SRBD1: variants seen among roughly 807,000 people sequenced by gnomAD.
SRBD1 encodes S1 RNA-binding domain-containing protein 1.
In SRBD1, 88 loss-of-function variants were observed where a neutral mutation model predicts 115.3. That is an observed-to-expected ratio of 0.76 (90% CI 0.64 to 0.91). The LOEUF (loss-of-function observed/expected upper bound fraction) is 0.91. Ranked by LOEUF, SRBD1 falls within the 40% of genes least tolerant of loss-of-function variation. The pLI is 0.00. For synonymous variants in SRBD1, 509 were observed against 407.7 expected (o/e 1.25, Z -2.99); for missense variants, 1,385 against 1,177.4 (o/e 1.18, Z -2.58).
intron 16 of SRBD1, among the ~76,000 whole-genome samples, chr2:45,435,951 C>T (rs1572638604): frequency 6.6e-6 from 1 of 152,022 alleles, no homozygotes; most frequent in African/African-American, 2.4e-5. Context: ...CAGACAAAGA[C>T]ATTACAAGAA....
intron 14 of SRBD1, among the ~76,000 whole-genome samples, chr2:45,510,975 C>A (rs2103924228): frequency 6.6e-6 from 1 of 152,226 alleles, no homozygotes; most frequent in South Asian, 2.1e-4. Flanking sequence ...TGAATGACTG[C>A]CTAGGATTAT....
chr2:45,439,645 A>G (rs1454146865), intron 16 of SRBD1, among the ~76,000 whole-genome samples: 1 of 152,068 alleles, frequency 6.6e-6, no homozygotes, highest in African/African-American at 2.4e-5. Flanking sequence ...GGACAAACAA[A>G]GCAAACAGCA....
At chr2:45,412,266 A>C (rs533876208) in intron 19 of SRBD1, among the ~76,000 whole-genome samples, 2 of 152,206 alleles carry the variant, frequency 1.3e-5, no homozygotes, top group Admixed American at 6.5e-5. Flanking sequence ...CTGTATGGCT[A>C]AATTTTTTCA....
intron 4 of SRBD1, among the ~76,000 whole-genome samples, chr2:45,592,310 G>A (rs1016648150): frequency 2.0e-5 from 3 of 152,056 alleles, no homozygotes; most frequent in Admixed American, 2.0e-4. Flanking sequence ...CCTCAGATGG[G>A]CTATGTACAA....
intron 16 of SRBD1, among the ~76,000 whole-genome samples, chr2:45,438,561 G>A (rs1668568884): frequency 1.3e-5 from 2 of 152,216 alleles, no homozygotes; most frequent in South Asian, 4.1e-4. Context: ...AAAGAATAAA[G>A]AAATACAGCA....
At chr2:45,512,529 C>T (rs752325175) in intron 14 of SRBD1, among the ~76,000 whole-genome samples, 16 of 152,152 alleles carry the variant, frequency 1.1e-4, no homozygotes, top group Non-Finnish European at 1.9e-4. Flanking sequence ...TAAATTCAGG[C>T]ATTTACACCA....
Position 45,419,793 on chromosome 2 carries a change from C to CA in SRBD1, c.2150dup (p.Leu717PhefsTer18). ...CAGCCACATATTTGTCTCACCTTAA[C>CA]AAAACTTCTGAACAGATGTTAATAT... On this transcript the variant is annotated frameshift_variant, in exon 17 of 21. Transcript: ENST00000263736. LOFTEE classifies it high-confidence loss of function. The CA allele has an allele frequency of 1.2e-6, 2 of 1,613,576 alleles. No individual in the cohort carries two copies. The highest frequency in any genetic ancestry group is 1.7e-6 in the Non-Finnish European group (2 of 1,179,698).
chr2:45,587,265 A>T (rs1428222734), intron 4 of SRBD1, among the ~76,000 whole-genome samples: 1 of 147,182 alleles, frequency 6.8e-6, no homozygotes, highest in Non-Finnish European at 1.5e-5. Context: ...ATTAAAATTG[A>T]TGTTAATTAT....
At chr2:45,472,286 T>C (rs563640935) in intron 16 of SRBD1, among the ~76,000 whole-genome samples, 38 of 152,080 alleles carry the variant, frequency 2.5e-4, no homozygotes, top group South Asian at 1.0e-3. Flanking sequence ...TAGAGGAAAA[T>C]AGATTAGTGT....
chr2:45,543,925 G>A (rs1672026444), intron 14 of SRBD1, among the ~76,000 whole-genome samples: 2 of 152,132 alleles, frequency 1.3e-5, no homozygotes, highest in African/African-American at 2.4e-5. Context: ...GACTATAGGA[G>A]AAAGACTACC....
At chr2:45,582,630 T>C (rs947625696) in intron 5 of SRBD1, among the ~76,000 whole-genome samples, 8 of 152,202 alleles carry the variant, frequency 5.3e-5, no homozygotes, top group African/African-American at 7.2e-5. Context: ...CTATCATTTA[T>C]CTTAATGTTC....
intron 12 of SRBD1, among the ~76,000 whole-genome samples, chr2:45,550,334 G>C (rs1672257036): frequency 6.6e-6 from 1 of 151,920 alleles, no homozygotes; most frequent in Non-Finnish European, 1.5e-5. Flanking sequence ...GAAAAGACAA[G>C]AAAACCCATA....
At chr2:45,417,228 T>C (rs1482838927) in intron 18 of SRBD1, among the ~76,000 whole-genome samples, 1 of 152,244 alleles carries the variant, frequency 6.6e-6, no homozygotes, top group Non-Finnish European at 1.5e-5. Context: ...TTACTTTTTT[T>C]GACATTTAAG....
Position 45,576,862 on chromosome 2 carries a change from T to C in SRBD1, c.1073-2139A>G, listed in dbSNP as rs377371067. ...ACAGAAGAAATTATAGACTTTGCAA[T>C]AAGAAAGGGCCTTTGAAAATCCCCC... is the stretch of plus-strand genomic sequence containing the variant. On this transcript the variant is annotated intron_variant, in intron 7 of 20. Transcript: ENST00000263736. 3.2e-3 allele frequency among the ~76,000 whole-genome samples: 481 copies of C among 152,254 alleles called. 1 individual carries two copies. Among genetic ancestry groups the C allele is most frequent in the Non-Finnish European group, 4.8e-3 (328 of 67,998 alleles).
Position 45,405,399 on chromosome 2 carries a change from AG to A in SRBD1, c.2513+7714del, listed in dbSNP as rs544956857. On this transcript the variant is annotated intron_variant, in intron 19 of 20. Transcript: ENST00000263736. The stretch of plus-strand genomic sequence containing the variant: ...GATGGAGTTGTAAAAGGAGGGACAA[AG>A]GGGGGTGGTACAAGTTTCAATTTTA... Among the ~76,000 whole-genome samples the A allele has an allele frequency of 2.2e-3, 341 of 152,258 alleles. 2 individuals carry two copies. Among genetic ancestry groups the A allele is most frequent in the African/African-American group, 7.9e-3 (328 of 41,544 alleles).
chr2:45,393,664 G>A (rs1667068830), intron 19 of SRBD1, among the ~76,000 whole-genome samples: 2 of 152,222 alleles, frequency 1.3e-5, no homozygotes, highest in South Asian at 4.1e-4. Context: ...ACAGGCGTAA[G>A]CCACTGCGTC....
chr2:45,415,534 G>A lies in SRBD1; in HGVS notation c.2334-2241C>T, dbSNP rs189906799. Among the ~76,000 whole-genome samples the A allele has an allele frequency of 2.6e-3, 383 of 144,540 alleles. 4 individuals are homozygous for A. Among genetic ancestry groups the A allele is most frequent in the African/African-American group, 8.7e-3 (345 of 39,774 alleles). 94.8% of individuals were successfully genotyped at this position (144,540 alleles called of 152,430 possible). On this transcript the variant is annotated intron_variant, in intron 18 of 20. Coordinates refer to ENST00000263736, the MANE Select transcript of SRBD1 (RefSeq NM_018079.5). Reference sequence around the variant, plus strand: ...TGTATGTGTATATGTATATACACACGTATATACACATGCATATAGTCTGTA... The same window carrying A: ...TGTATGTGTATATGTATATACACACATATATACACATGCATATAGTCTGTA...
At chr2:45,584,476 G>A (rs538996905) in intron 5 of SRBD1, among the ~76,000 whole-genome samples, 30 of 152,282 alleles carry the variant, frequency 2.0e-4, no homozygotes, top group South Asian at 1.2e-3. Context: ...CTAAAAGAAC[G>A]TCAAGAGGTA....
At chr2:45,495,011 C>T (rs999253050) in intron 14 of SRBD1, among the ~76,000 whole-genome samples, 1 of 151,780 alleles carries the variant, frequency 6.6e-6, no homozygotes, top group Non-Finnish European at 1.5e-5. Flanking sequence ...AGTTATCACA[C>T]AGAGGATCCA....
Sources: allele counts gnomAD v4.1 joint callset (sites outside exome capture counted in the v4.1 genomes callset), GRCh38; gene constraint gnomAD v4.1.1; transcripts MANE v1.5; gene names NCBI Gene and HGNC (gene_info 2026-07-23, HGNC 2026-07-21).